EPSTI1: variants seen among roughly 807,000 people sequenced by gnomAD.
EPSTI1 encodes epithelial-stromal interaction protein 1.
In EPSTI1, 66 loss-of-function variants were observed where a neutral mutation model predicts 49.9. That is an observed-to-expected ratio of 1.32 (90% CI 1.08 to 1.62). The LOEUF is 1.62. Ranked by LOEUF, EPSTI1 falls within the 40% of genes most tolerant of loss-of-function variation. EPSTI1 has a pLI of 0.00. For synonymous variants in EPSTI1, 137 were observed against 130.7 expected (o/e 1.05, Z -0.33); for missense variants, 394 against 365.5 (o/e 1.08, Z -0.64).
intron 10 of EPSTI1, among the ~76,000 whole-genome samples, chr13:42,893,114 A>C (rs2037085323): frequency 6.6e-6 from 1 of 152,230 alleles, no homozygotes; most frequent in Non-Finnish European, 1.5e-5. Flanking sequence ...GGTTTAAGAA[A>C]AAAATAAAGA....
At chr13:42,890,522 T>G (rs1249681440) in intron 10 of EPSTI1, among the ~76,000 whole-genome samples, 1 of 152,086 alleles carries the variant, frequency 6.6e-6, no homozygotes, top group Admixed American at 6.6e-5. Flanking sequence ...ATGGTCTCGA[T>G]CTCCTGACCT....
At chr13:42,921,928 G>A (rs948379445) in intron 7 of EPSTI1, among the ~76,000 whole-genome samples, 6 of 152,102 alleles carry the variant, frequency 3.9e-5, no homozygotes, top group African/African-American at 7.2e-5. Flanking sequence ...AGAAATTTGC[G>A]TCAAGAGGCA....
intron 7 of EPSTI1, among the ~76,000 whole-genome samples, chr13:42,918,805 G>GC (rs1407581836): frequency 6.6e-6 from 1 of 152,170 alleles, no homozygotes. Context: ...AGGGGACTGT[G>GC]CTAAGACATA....
intron 5 of EPSTI1, 135 bp from the exon 6 acceptor site, chr13:42,954,156 C>T (rs1288706500): frequency 3.1e-6 from 2 of 649,150 alleles, no homozygotes; most frequent in East Asian, 5.7e-5. Context: ...GCTAGAGGCT[C>T]CAAGATGGTA....
rs1052426769 is a variant in EPSTI1 at position 42,922,707 on chromosome 13, T to C, written c.657+3629A>G. Among the ~76,000 whole-genome samples the C allele has an allele frequency of 2.0e-5, 3 of 152,154 alleles. No homozygotes were observed. The highest frequency in any genetic ancestry group is 2.9e-5 in the Non-Finnish European group (2 of 68,022). On this transcript the variant is annotated intron_variant, in intron 7 of 10. Coordinates refer to ENST00000313624, the MANE Select transcript of EPSTI1 (RefSeq NM_033255.5). The surrounding 1 kb of genome is among the most constrained non-coding windows in gnomAD (Gnocchi z 4.8). ...GATTCAAGCGGCGCAAAGGGACACA[T>C]GTTAAGTACTTTATTTGACTTCTTA... is the stretch of plus-strand genomic sequence containing the variant.
intron 9 of EPSTI1, among the ~76,000 whole-genome samples, chr13:42,897,811 A>G (rs1275712240): frequency 1.3e-5 from 2 of 152,156 alleles, no homozygotes; most frequent in African/African-American, 4.8e-5. Context: ...CTCAATTCCT[A>G]TCAAGAATCT....
chr13:42,981,374 G>C (rs1042348978), intron 1 of EPSTI1, among the ~76,000 whole-genome samples: 7 of 152,112 alleles, frequency 4.6e-5, no homozygotes, highest in African/African-American at 1.7e-4. Flanking sequence ...TCTCATTTCT[G>C]CTATGGTTCT....
At chr13:42,948,271 C>T (rs2038979319) in intron 6 of EPSTI1, among the ~76,000 whole-genome samples, 2 of 152,236 alleles carry the variant, frequency 1.3e-5, no homozygotes, top group Non-Finnish European at 2.9e-5. Context: ...AGGCCTGGGC[C>T]CTGCCAGTGC....
chr13:42,908,483 T>TAAAAAAAAAAAAAAAAA (rs1566106781), intron 8 of EPSTI1, among the ~76,000 whole-genome samples: 1 of 61,106 alleles, frequency 1.6e-5, no homozygotes, highest in Non-Finnish European at 4.0e-5. Flanking sequence ...GACTCTGTTA[T>TAAAAAAAAAAAAAAAAA]GAAAAAAAAA....
chr13:42,970,600 G>A lies in EPSTI1; in HGVS notation c.247+12C>T, dbSNP rs768729157. 20 of 1,587,144 alleles carry A rather than the reference G, an allele frequency of 1.3e-5. No homozygotes were observed. The East Asian group carries it at 3.8e-4, about 30-fold the overall frequency. Reference sequence around the variant, plus strand: ...GAAGCATTCTGAATGTTAAATGAATGACTATACATACTTCTTTGTATCTCA... The same window carrying A: ...GAAGCATTCTGAATGTTAAATGAATAACTATACATACTTCTTTGTATCTCA... On this transcript the variant is annotated intron_variant, in intron 2 of 10. Coordinates refer to ENST00000313624, the MANE Select transcript of EPSTI1 (RefSeq NM_033255.5).
At chr13:42,891,384 T>C (rs1213263335) in intron 10 of EPSTI1, among the ~76,000 whole-genome samples, 1 of 152,230 alleles carries the variant, frequency 6.6e-6, no homozygotes, top group Non-Finnish European at 1.5e-5. Flanking sequence ...CAGTAAGACA[T>C]AGATGTTGAT....
chr13:42,900,412 G>T, intron 8 of EPSTI1, 29 bp from the exon 9 acceptor site: 1 of 1,603,608 alleles, frequency 6.2e-7, no homozygotes. Context: ...TTAAAATATG[G>T]TTTTCAATTA....
At chr13:42,942,455 C>T (rs1262446880) in intron 6 of EPSTI1, among the ~76,000 whole-genome samples, 2 of 151,546 alleles carry the variant, frequency 1.3e-5, no homozygotes, top group Non-Finnish European at 2.9e-5. Flanking sequence ...GTTATTTATC[C>T]TAATTTGTAC....
chr13:42,937,986 G>T (rs1163793937), intron 6 of EPSTI1, among the ~76,000 whole-genome samples: 1 of 152,086 alleles, frequency 6.6e-6, no homozygotes, highest in Non-Finnish European at 1.5e-5. Context: ...TTGATCCATA[G>T]GCTGCAGAAT....
At chr13:42,902,098 C>T (rs1251845834) in intron 8 of EPSTI1, among the ~76,000 whole-genome samples, 4 of 152,268 alleles carry the variant, frequency 2.6e-5, no homozygotes, top group African/African-American at 4.8e-5. Context: ...GACATGAACT[C>T]ATTTCTTAAT....
chr13:42,901,711 G>A (rs202126280), intron 8 of EPSTI1, among the ~76,000 whole-genome samples: 2 of 152,058 alleles, frequency 1.3e-5, no homozygotes, highest in East Asian at 1.9e-4. Flanking sequence ...TCCTGCATGT[G>A]GTTTCATAAG....
chr13:42,916,813 G>A (rs1013556359), intron 8 of EPSTI1, among the ~76,000 whole-genome samples: 5 of 152,098 alleles, frequency 3.3e-5, no homozygotes, highest in South Asian at 2.1e-4. Context: ...TTTTCTTCTC[G>A]TTTAAAGGAT....
intron 9 of EPSTI1, among the ~76,000 whole-genome samples, chr13:42,899,197 C>CA (rs34907903): frequency 0.17 from 20,403 of 121,994 alleles, 1,578 homozygotes; most frequent in South Asian, 0.26. Flanking sequence ...GACTCTGTCT[C>CA]AAAAAAAAAA....
chr13:42,974,527 T>G (rs537060274), intron 1 of EPSTI1, among the ~76,000 whole-genome samples: 1 of 151,470 alleles, frequency 6.6e-6, no homozygotes, highest in Non-Finnish European at 1.5e-5. Flanking sequence ...GGCGTGGTGG[T>G]GGGCGCCTAT....
Sources: gnomAD v4.1 joint callset for allele counts (sites outside exome capture counted in the v4.1 genomes callset) on GRCh38, gnomAD v4.1.1 for gene constraint, Gnocchi (gnomAD v3.1) non-coding constraint, MANE v1.5 for transcripts, NCBI Gene and HGNC (gene_info 2026-07-23, HGNC 2026-07-21) for gene names.